The following C8orf34 variants were observed in gnomAD, a reference collection of about 807,000 sequenced individuals.
The protein encoded by C8orf34 is chromosome 8 open reading frame 34.
Under a neutral mutation model 68.3 loss-of-function variants are expected in C8orf34, and 65 were observed. The observed-to-expected ratio is 0.95, with a 90% CI of 0.78 to 1.17. C8orf34 has a LOEUF of 1.17. Among genes scored for constraint, C8orf34 ranks in the 50% most tolerant of loss-of-function variants. The pLI, the probability that C8orf34 is intolerant of heterozygous loss-of-function variation, is 0.00. For synonymous variants in C8orf34, 244 were observed against 241.2 expected (o/e 1.01, Z -0.11); for missense variants, 664 against 655.4 (o/e 1.01, Z -0.14).
chr8:68,811,799 C>T (rs1416669514), intron 12 of C8orf34, among the ~76,000 whole-genome samples: 2 of 152,116 alleles, frequency 1.3e-5, no homozygotes, highest in African/African-American at 4.8e-5. Context: ...ATCCCTGTGA[C>T]AATGTATTGT....
At chr8:68,772,961 C>G (rs935167423) in intron 10 of C8orf34, among the ~76,000 whole-genome samples, 1 of 151,398 alleles carries the variant, frequency 6.6e-6, no homozygotes, top group Non-Finnish European at 1.5e-5. Flanking sequence ...TCCTGTCTGC[C>G]TCTCCTTGTA....
chr8:68,726,147 G>C (rs933943593), intron 10 of C8orf34, among the ~76,000 whole-genome samples: 1 of 152,104 alleles, frequency 6.6e-6, no homozygotes, highest in African/African-American at 2.4e-5. Flanking sequence ...AGCCTCAAGT[G>C]ATCCGCCCGC....
intron 8 of C8orf34, 70 bp from the exon 9 acceptor site, chr8:68,708,924 C>T: frequency 9.2e-7 from 1 of 1,082,546 alleles, no homozygotes; most frequent in South Asian, 1.4e-5. Context: ...CCATGTCCCC[C>T]ATGGTGCATA....
chr8:68,625,344 C>T (rs1339990546), intron 7 of C8orf34: 2 of 418,528 alleles, frequency 4.8e-6, no homozygotes, highest in Non-Finnish European at 8.5e-6. Context: ...TCACCAAATA[C>T]TCACTTTTAG....
intron 10 of C8orf34, among the ~76,000 whole-genome samples, chr8:68,751,844 T>C (rs1408869678): frequency 1.3e-5 from 2 of 150,794 alleles, no homozygotes; most frequent in East Asian, 1.9e-4. Flanking sequence ...GTAAAATTTA[T>C]ATTTATAAAA....
intron 1 of C8orf34, among the ~76,000 whole-genome samples, chr8:68,358,675 G>C (rs1384058276): frequency 6.6e-6 from 1 of 151,530 alleles, no homozygotes; most frequent in Admixed American, 6.6e-5. Flanking sequence ...TTTGGAGGGG[G>C]GGTGTTTATT....
rs372049123 is a variant in C8orf34, at chr8:68,796,822, CTTTTTTTT to C, written c.1549+9301_1549+9308del. The stretch of plus-strand genomic sequence containing the variant: ...TTTTGAAAAATATATTTGAGTTCTT[CTTTTTTTT>C]TTTTTTTTTTTTTTGAGACAGTGTC... On this transcript the variant is annotated intron_variant, in intron 12 of 13. Transcript: ENST00000518698. Among the ~76,000 whole-genome samples, 3 of 122,874 alleles carry C rather than the reference CTTTTTTTT, an allele frequency of 2.4e-5. 1 individual carries two copies. In the South Asian group the frequency reaches 7.7e-4, roughly 31 times the overall value. 80.6% of individuals were successfully genotyped at this position (122,874 alleles called of 152,430 possible).
chr8:68,520,590 A>G (rs1235151887), intron 5 of C8orf34, among the ~76,000 whole-genome samples: 2 of 150,508 alleles, frequency 1.3e-5, no homozygotes, highest in African/African-American at 2.4e-5. Flanking sequence ...AGCTGGGACT[A>G]CAGGTGCCCG....
At chr8:68,553,718 T>C (rs866323395) in intron 7 of C8orf34, among the ~76,000 whole-genome samples, 9 of 152,258 alleles carry the variant, frequency 5.9e-5, no homozygotes, top group Middle Eastern at 3.4e-3. Flanking sequence ...TTTTAGTAAT[T>C]TAAGCCTCCT....
intron 10 of C8orf34, among the ~76,000 whole-genome samples, chr8:68,775,134 C>T (rs1179155561): frequency 6.6e-6 from 1 of 151,246 alleles, no homozygotes; most frequent in Admixed American, 6.6e-5. Context: ...TCTCCTTGCT[C>T]CTTGACTTAG....
intron 2 of C8orf34, among the ~76,000 whole-genome samples, chr8:68,443,928 T>C (rs1412024627): frequency 6.6e-6 from 1 of 151,116 alleles, no homozygotes; most frequent in Non-Finnish European, 1.5e-5. Flanking sequence ...ACAAATTATT[T>C]TTCTTGAATA....
At chr8:68,616,939 C>T (rs7825606) in intron 7 of C8orf34, among the ~76,000 whole-genome samples, 35,112 of 152,074 alleles carry the variant, frequency 0.23, 4,713 homozygotes, top group African/African-American at 0.38. Flanking sequence ...GTTTGTAGGT[C>T]ACTCAGGACT....
chr8:68,808,983 A>T (rs1824567996), intron 12 of C8orf34, among the ~76,000 whole-genome samples: 3 of 150,454 alleles, frequency 2.0e-5, no homozygotes, highest in Admixed American at 1.3e-4. Flanking sequence ...CACATCTGCC[A>T]CTTAACTTTC....
intron 1 of C8orf34, among the ~76,000 whole-genome samples, chr8:68,408,037 G>A (rs1181481249): frequency 6.6e-6 from 1 of 152,068 alleles, no homozygotes; most frequent in Non-Finnish European, 1.5e-5. Flanking sequence ...GGAGGTGAGT[G>A]GTGGGCAAAC....
chr8:68,595,681 T>C (rs928571618), intron 7 of C8orf34, among the ~76,000 whole-genome samples: 16 of 152,118 alleles, frequency 1.1e-4, no homozygotes, highest in Admixed American at 9.8e-4. Flanking sequence ...CATTTTTTAT[T>C]CTTTTCTCTT....
upstream of C8orf34, chr8:68,330,868 G>A: frequency 1.6e-6 from 1 of 640,184 alleles, no homozygotes; most frequent in Non-Finnish European, 2.4e-6. Flanking sequence ...CCGCCCGCGT[G>A]CGCCCCTCGA....
intron 7 of C8orf34, among the ~76,000 whole-genome samples, chr8:68,589,504 A>G (rs1185496217): frequency 7.5e-6 from 1 of 133,072 alleles, no homozygotes. Flanking sequence ...AAAGAGAGAG[A>G]ACGAGAGAGA....
chr8:68,727,526 G>C (rs774191316), intron 10 of C8orf34, among the ~76,000 whole-genome samples: 6 of 152,208 alleles, frequency 3.9e-5, no homozygotes, highest in Non-Finnish European at 7.3e-5. Context: ...GACTCTGTGT[G>C]GGGGCTCCAC....
chr8:68,707,170 G>A (rs1821191070), intron 8 of C8orf34, among the ~76,000 whole-genome samples: 1 of 152,160 alleles, frequency 6.6e-6, no homozygotes, highest in Non-Finnish European at 1.5e-5. Flanking sequence ...AAGTGGTGCT[G>A]TGTGGGTTAC....
Sources: allele counts gnomAD v4.1 joint callset (sites outside exome capture counted in the v4.1 genomes callset), GRCh38; gene constraint gnomAD v4.1.1; transcripts MANE v1.5; gene names NCBI Gene and HGNC (gene_info 2026-07-23, HGNC 2026-07-21).